ST18: variants seen among roughly 807,000 people sequenced by gnomAD.
ST18 encodes ST18 C2H2C-type zinc finger transcription factor, also known as suppression of tumorigenicity 18 protein.
ST18 carries 50 observed loss-of-function variants against 110.0 expected under a neutral mutation model. That is an observed-to-expected ratio of 0.45 (90% confidence interval 0.36 to 0.58). ST18 has a LOEUF of 0.58. Ranked by LOEUF, ST18 falls within the 20% of genes least tolerant of loss-of-function variation. The pLI, the probability that ST18 is intolerant of heterozygous loss-of-function variation, is 0.00. For missense variants in ST18, 1,306 were observed against 1,280.1 expected (o/e 1.02, Z -0.31); for synonymous variants, 461 against 452.4 (o/e 1.02, Z -0.24).
chr8:52,231,638 A>G lies in ST18; in HGVS notation c.-464-1561T>C, dbSNP rs1038711141. 2.6e-5 allele frequency among the ~76,000 whole-genome samples: 4 copies of G among 152,150 alleles called. No homozygotes were observed. The East Asian group carries it at 7.7e-4, about 29-fold the overall frequency. On this transcript the variant is annotated intron_variant, in intron 2 of 25. Coordinates refer to ENST00000689386, the MANE Select transcript of ST18 (RefSeq NM_001352837.2). Reference sequence around the variant, plus strand: ...ACTACAGGCACAGGCCACCAAGCCCAGTGAATTTTTGTATTTTTAGTAAAA... The same window carrying G: ...ACTACAGGCACAGGCCACCAAGCCCGGTGAATTTTTGTATTTTTAGTAAAA...
chr8:52,264,573 C>A, intron 2 of ST18, among the ~76,000 whole-genome samples: 1 of 152,170 alleles, frequency 6.6e-6, no homozygotes, highest in East Asian at 1.9e-4. Flanking sequence ...AACTCAAATA[C>A]ATTCCTGCCC....
chr8:52,130,118 G>A (rs201913366), intron 22 of ST18, among the ~76,000 whole-genome samples: 4,348 of 38,772 alleles, frequency 0.11, 97 homozygotes, highest in East Asian at 0.2. Flanking sequence ...AAGAAAGAAA[G>A]AAAAGAAAGA....
At chr8:52,361,507 A>G (rs1167140531) in intron 2 of ST18, among the ~76,000 whole-genome samples, 3 of 152,216 alleles carry the variant, frequency 2.0e-5, no homozygotes, top group Non-Finnish European at 4.4e-5. Flanking sequence ...AATAAGCTGA[A>G]AAATATGTCA....
At chr8:52,194,927 G>A (rs1563987444) in intron 8 of ST18, among the ~76,000 whole-genome samples, 3 of 152,060 alleles carry the variant, frequency 2.0e-5, no homozygotes, top group East Asian at 1.9e-4. Context: ...TTCAATCATC[G>A]GCTAAAACAC....
chr8:52,269,651 G>T (rs1413914561), intron 2 of ST18, among the ~76,000 whole-genome samples: 1 of 152,168 alleles, frequency 6.6e-6, no homozygotes, highest in Admixed American at 6.5e-5. Context: ...TATAGTTTGA[G>T]TGCCAGGAGG....
intron 2 of ST18, among the ~76,000 whole-genome samples, chr8:52,308,901 G>A (rs939301726): frequency 6.6e-6 from 1 of 152,206 alleles, no homozygotes; most frequent in African/African-American, 2.4e-5. Context: ...ATAACTAAGT[G>A]TTGCAAGTAA....
chr8:52,276,616 A>G (rs2095270572), intron 2 of ST18, among the ~76,000 whole-genome samples: 1 of 152,018 alleles, frequency 6.6e-6, no homozygotes, highest in Non-Finnish European at 1.5e-5. Context: ...CTCTCTGATC[A>G]TGCACCCCCA....
At chr8:52,235,656 T>C (rs934023620) in intron 2 of ST18, among the ~76,000 whole-genome samples, 2 of 152,200 alleles carry the variant, frequency 1.3e-5, no homozygotes, top group Non-Finnish European at 2.9e-5. Context: ...GTAAGACTCA[T>C]ACATGTGAAG....
Position 52,126,160 on chromosome 8 carries a change from A to C in ST18, c.2667-20T>G. Reference sequence around the variant, plus strand: ...GATAAGCTGTGAAAATAGAAATTGTACTAATGTATGAAATGTATATGATTT... The same window carrying C: ...GATAAGCTGTGAAAATAGAAATTGTCCTAATGTATGAAATGTATATGATTT... On this transcript the variant is annotated intron_variant, in intron 22 of 25. Transcript: ENST00000689386. 6.2e-7 allele frequency: 1 copy of C among 1,602,058 alleles called. No homozygotes were observed. Among genetic ancestry groups the C allele is most frequent in the Non-Finnish European group, 8.5e-7 (1 of 1,169,856 alleles).
At chr8:52,192,684 A>C (rs753476594) in intron 8 of ST18, among the ~76,000 whole-genome samples, 2 of 152,228 alleles carry the variant, frequency 1.3e-5, no homozygotes, top group Admixed American at 1.3e-4. Context: ...AGAACAAAAA[A>C]GGTACAGTTA....
chr8:52,368,479 A>G (rs1829012561), intron 2 of ST18, among the ~76,000 whole-genome samples: 1 of 152,202 alleles, frequency 6.6e-6, no homozygotes, highest in African/African-American at 2.4e-5. Context: ...GCAAATGGAG[A>G]TCTAAAAAGA....
At chr8:52,363,673 C>T (rs1451729884) in intron 2 of ST18, among the ~76,000 whole-genome samples, 2 of 152,042 alleles carry the variant, frequency 1.3e-5, no homozygotes, top group African/African-American at 2.4e-5. Flanking sequence ...AGATAAGGAG[C>T]CCAACTAAGG....
chr8:52,268,605 G>T (rs1025102657), intron 2 of ST18, among the ~76,000 whole-genome samples: 5 of 151,872 alleles, frequency 3.3e-5, no homozygotes, highest in African/African-American at 1.2e-4. Flanking sequence ...TGCTTAGAAA[G>T]AACTTACAGC....
chr8:52,234,705 C>T (rs1324709446), intron 2 of ST18, among the ~76,000 whole-genome samples: 1 of 150,248 alleles, frequency 6.7e-6, no homozygotes, highest in Non-Finnish European at 1.5e-5. Flanking sequence ...GTCCATCAAT[C>T]AACAAGTGGA....
At chr8:52,158,757 G>A in intron 15 of ST18, 141 bp downstream of exon 15, 1 of 941,720 alleles carries the variant, frequency 1.1e-6, no homozygotes, top group South Asian at 1.5e-5. Context: ...GCGTTCCTCT[G>A]AGCCTCTTCC....
chr8:52,186,041 G>A (rs1264153944), intron 8 of ST18, among the ~76,000 whole-genome samples: 1 of 152,110 alleles, frequency 6.6e-6, no homozygotes, highest in Non-Finnish European at 1.5e-5. Context: ...AGCACTGTGA[G>A]GTTGTGAAGA....
At position 52,161,360 on chromosome 8, in the gene ST18, G is replaced by C; in HGVS notation, c.1594+15C>G. 6.2e-7 allele frequency: 1 copy of C among 1,610,450 alleles called. No homozygotes were observed. Among genetic ancestry groups the C allele is most frequent in the Non-Finnish European group, 8.5e-7 (1 of 1,177,818 alleles). ...GAAGCATTTTGGGGAAACGGCATTA[G>C]AGCTCAAAGCTTACATTCAGGAAAT... On this transcript the variant is annotated intron_variant, in intron 14 of 25. Coordinates refer to ENST00000689386, the MANE Select transcript of ST18 (RefSeq NM_001352837.2).
Position 52,310,373 on chromosome 8 carries a change from T to G in ST18, c.-464-80296A>C, listed in dbSNP as rs1360070218. Among the ~76,000 whole-genome samples, 7 of 140,904 alleles carry G rather than the reference T, an allele frequency of 5.0e-5. No individual in the cohort carries two copies. The Admixed American group carries it at 5.0e-4, about 10-fold the overall frequency. 92.4% of individuals were successfully genotyped at this position (140,904 alleles called of 152,430 possible). A position where few individuals can be genotyped will look rare whatever the true frequency, so the allele number is the denominator to read the frequency against. On this transcript the variant is annotated intron_variant, in intron 2 of 25. Coordinates refer to ENST00000689386, the MANE Select transcript of ST18 (RefSeq NM_001352837.2). Reference sequence around the variant, plus strand: ...TACATTATAAACATAATGAGCACTGTGTAACTACTGTGTCTTTTATTCCTT... The same window carrying G: ...TACATTATAAACATAATGAGCACTGGGTAACTACTGTGTCTTTTATTCCTT...
chr8:52,324,508 C>A (rs1306916620), intron 2 of ST18, among the ~76,000 whole-genome samples: 1 of 152,106 alleles, frequency 6.6e-6, no homozygotes, highest in Admixed American at 6.6e-5. Context: ...AGCAAAAAGA[C>A]AAGGCTCTCC....
Sources: allele counts gnomAD v4.1 joint callset (sites outside exome capture counted in the v4.1 genomes callset), GRCh38; gene constraint gnomAD v4.1.1; transcripts MANE v1.5; gene names NCBI Gene and HGNC (gene_info 2026-07-23, HGNC 2026-07-21).